Variants in CERS6 observed in about 807,000 individuals in gnomAD.
The protein encoded by CERS6 is LAG1 homolog, ceramide synthase 6.
A neutral mutation model predicts 56.8 loss-of-function variants in CERS6; 26 were observed. The observed-to-expected ratio is 0.46, with a 90% confidence interval of 0.34 to 0.63. CERS6 has a LOEUF of 0.63. CERS6 is among the 30% of genes least tolerant of loss of function. The probability of loss-of-function intolerance (pLI) is 0.01; values close to 1 mark genes in which losing one functional copy is unlikely to be tolerated. For synonymous variants in CERS6, 164 were observed against 173.3 expected (o/e 0.95, Z 0.42); for missense variants, 415 against 467.5 (o/e 0.89, Z 1.04).
intron 8 of CERS6, among the ~76,000 whole-genome samples, chr2:168,746,385 T>G (rs913947362): frequency 6.6e-6 from 1 of 152,258 alleles, no homozygotes; most frequent in South Asian, 2.1e-4. Flanking sequence ...TTTTACTTTA[T>G]TGCCCTTGAT....
chr2:168,538,541 GC>G (rs1695308197), intron 1 of CERS6, among the ~76,000 whole-genome samples: 1 of 152,128 alleles, frequency 6.6e-6, no homozygotes, highest in Non-Finnish European at 1.5e-5. Flanking sequence ...TTAAATGACA[GC>G]CCTACCTAGG....
chr2:168,463,839 G>T (rs1048623994), intron 1 of CERS6, among the ~76,000 whole-genome samples: 1 of 152,154 alleles, frequency 6.6e-6, no homozygotes, highest in African/African-American at 2.4e-5. Flanking sequence ...AGCTTGGGAA[G>T]TGGAGGTTGT....
intron 4 of CERS6, among the ~76,000 whole-genome samples, chr2:168,665,989 T>TGC (rs940756123): frequency 4.1e-5 from 6 of 144,732 alleles, no homozygotes; most frequent in Non-Finnish European, 9.3e-5. Context: ...TGTGTGTGTG[T>TGC]GTAGTTTTAG....
chr2:168,541,117 G>GTTTT (rs1695360379), intron 1 of CERS6, among the ~76,000 whole-genome samples: 1 of 20,246 alleles, frequency 4.9e-5, no homozygotes, highest in Non-Finnish European at 4.0e-4. Context: ...GAGGTGCCAG[G>GTTTT]TTCTTTTAAT....
At chr2:168,556,799 A>G (rs1489482719) in intron 2 of CERS6, among the ~76,000 whole-genome samples, 1 of 152,116 alleles carries the variant, frequency 6.6e-6, no homozygotes, top group African/African-American at 2.4e-5. Context: ...ATAAAATTTT[A>G]GTACAAAGTT....
At chr2:168,612,220 G>A (rs1684206096) in intron 3 of CERS6, among the ~76,000 whole-genome samples, 1 of 152,210 alleles carries the variant, frequency 6.6e-6, no homozygotes, top group Non-Finnish European at 1.5e-5. Context: ...AAATTGTGGA[G>A]GAAGTCTTCA....
chr2:168,708,379 T>A (rs537143434), intron 6 of CERS6, among the ~76,000 whole-genome samples: 1 of 152,174 alleles, frequency 6.6e-6, no homozygotes. Flanking sequence ...TATTGATCCC[T>A]AAAAAGAAAA....
At chr2:168,526,960 C>T (rs1361456150) in intron 1 of CERS6, among the ~76,000 whole-genome samples, 1 of 152,250 alleles carries the variant, frequency 6.6e-6, no homozygotes, top group Non-Finnish European at 1.5e-5. Context: ...GAAGAACACT[C>T]TGTGCTGGTT....
At chr2:168,731,427 A>G (rs1228492879) in intron 8 of CERS6, among the ~76,000 whole-genome samples, 1 of 152,202 alleles carries the variant, frequency 6.6e-6, no homozygotes, top group East Asian at 1.9e-4. Flanking sequence ...ATTTCTAGTT[A>G]TCACTGAGTT....
intron 3 of CERS6, among the ~76,000 whole-genome samples, chr2:168,579,219 T>A (rs1683349539): frequency 6.6e-6 from 1 of 152,174 alleles, no homozygotes; most frequent in African/African-American, 2.4e-5. Flanking sequence ...TGGTATAGTA[T>A]ATATTTCTTG....
chr2:168,476,957 A>G (rs181921527), intron 1 of CERS6, among the ~76,000 whole-genome samples: 16 of 152,174 alleles, frequency 1.1e-4, no homozygotes, highest in African/African-American at 3.9e-4. Context: ...TTGACACCCA[A>G]AATTAACCAT....
intron 1 of CERS6, among the ~76,000 whole-genome samples, chr2:168,500,439 T>C (rs895679279): frequency 2.0e-4 from 31 of 152,202 alleles, no homozygotes; most frequent in African/African-American, 7.0e-4. Context: ...AAGTCCATGA[T>C]GGATATTATT....
At position 168,770,240 on chromosome 2, in the gene CERS6, A is replaced by G. The variant is rs532769307; in HGVS notation, c.*578A>G. On this transcript the variant is annotated 3_prime_UTR_variant, in exon 10 of 10. Coordinates refer to ENST00000305747, the MANE Select transcript of CERS6 (RefSeq NM_203463.3). ...TCTTCATGTTCAATTAGCAGTTCAAATTAAAGAAGATGGTTATTGGAGAAC... is the reference window on the plus strand; with the variant it reads ...TCTTCATGTTCAATTAGCAGTTCAAGTTAAAGAAGATGGTTATTGGAGAAC... 92 of 152,494 alleles carry G rather than the reference A, an allele frequency of 6.0e-4. No homozygotes were observed. The highest frequency in any genetic ancestry group is 9.4e-4 in the Non-Finnish European group (64 of 68,122). The allele number at this position is 152,494 out of a possible 1,614,324, so 9.4% of individuals were successfully genotyped here.
At chr2:168,735,351 A>G (rs1291239313) in intron 8 of CERS6, among the ~76,000 whole-genome samples, 2 of 152,152 alleles carry the variant, frequency 1.3e-5, no homozygotes, top group African/African-American at 2.4e-5. Context: ...ATTTAGGCCT[A>G]TAAATTGTAC....
chr2:168,764,377 C>T (rs539529362), intron 8 of CERS6, among the ~76,000 whole-genome samples: 9 of 152,138 alleles, frequency 5.9e-5, no homozygotes, highest in Admixed American at 2.0e-4. Context: ...CTCCTGACCT[C>T]GTGATCCGCC....
intron 6 of CERS6, among the ~76,000 whole-genome samples, chr2:168,714,314 C>T (rs1687172973): frequency 6.6e-6 from 1 of 152,216 alleles, no homozygotes; most frequent in Admixed American, 6.5e-5. Context: ...TTAAACCTTG[C>T]TATGTGGCTT....
At chr2:168,702,684 C>T (rs1247308549) in intron 6 of CERS6, among the ~76,000 whole-genome samples, 2 of 152,164 alleles carry the variant, frequency 1.3e-5, no homozygotes. Context: ...AAGATCCATT[C>T]ACAGACCAAT....
intron 4 of CERS6, among the ~76,000 whole-genome samples, chr2:168,652,877 G>A (rs1685379923): frequency 6.6e-6 from 1 of 152,146 alleles, no homozygotes; most frequent in Non-Finnish European, 1.5e-5. Context: ...TTCATTCCTT[G>A]TAAAAGTAAA....
At chr2:168,683,882 T>C (rs929470775) in intron 4 of CERS6, among the ~76,000 whole-genome samples, 1 of 152,110 alleles carries the variant, frequency 6.6e-6, no homozygotes, top group Non-Finnish European at 1.5e-5. Context: ...GTGGAGACCC[T>C]CAGCTGAAAA....
Sources: allele counts gnomAD v4.1 joint callset (sites outside exome capture counted in the v4.1 genomes callset), GRCh38; gene constraint gnomAD v4.1.1; transcripts MANE v1.5; gene names NCBI Gene and HGNC (gene_info 2026-07-23, HGNC 2026-07-21).